The following GALNT1 variants were observed in gnomAD, a reference collection of about 807,000 sequenced individuals.
GALNT1 encodes GalNAc transferase 1.
A neutral mutation model predicts 65.7 loss-of-function variants in GALNT1; 17 were observed. The ratio of observed to expected loss-of-function variants is 0.26; its 90% CI spans 0.18 to 0.39. GALNT1 has a LOEUF of 0.39. Ranked by LOEUF, GALNT1 falls within the 10% of genes least tolerant of loss-of-function variation. The pLI, the probability that GALNT1 is intolerant of heterozygous loss-of-function variation, is 1.00. For synonymous variants in GALNT1, 210 were observed against 219.7 expected, an observed-to-expected ratio of 0.96 and a Z score of 0.39; for missense variants, 460 against 672.8, an observed-to-expected ratio of 0.68 and a Z score of 3.50.
chr18:35,642,454 G>A (rs1018895188), intron 1 of GALNT1, among the ~76,000 whole-genome samples: 5 of 152,176 alleles, frequency 3.3e-5, no homozygotes, highest in African/African-American at 1.2e-4. Context: ...GACAAGGAAG[G>A]ACCGTAAGAA....
chr18:35,700,215 G>C (rs914642514), intron 9 of GALNT1, among the ~76,000 whole-genome samples: 1 of 152,132 alleles, frequency 6.6e-6, no homozygotes, highest in Non-Finnish European at 1.5e-5. Flanking sequence ...GTATATAGAG[G>C]GACCCACCTG....
intron 11 of GALNT1, among the ~76,000 whole-genome samples, chr18:35,706,689 C>A (rs769359754): frequency 6.6e-6 from 1 of 151,918 alleles, no homozygotes; most frequent in Non-Finnish European, 1.5e-5. Flanking sequence ...ACTTTCTGGG[C>A]CAATATCTGT....
At chr18:35,615,898 G>A (rs778848263) in intron 1 of GALNT1, among the ~76,000 whole-genome samples, 4 of 152,214 alleles carry the variant, frequency 2.6e-5, no homozygotes, top group African/African-American at 4.8e-5. Context: ...AGACTTTTCT[G>A]TAAAGGGCCA....
chr18:35,589,990 G>A (rs932058600), intron 1 of GALNT1, among the ~76,000 whole-genome samples: 1 of 152,208 alleles, frequency 6.6e-6, no homozygotes, highest in Non-Finnish European at 1.5e-5. Flanking sequence ...GTGAGTGCCA[G>A]TTTGCCATCT....
At chr18:35,689,355 C>T in intron 7 of GALNT1, 65 bp downstream of exon 7, 1 of 878,102 alleles carries the variant, frequency 1.1e-6, no homozygotes, top group South Asian at 1.5e-5. Context: ...ATTGATTATT[C>T]ATGTATCTCT....
At chr18:35,608,888 C>T (rs1250197474) in intron 1 of GALNT1, among the ~76,000 whole-genome samples, 6 of 152,148 alleles carry the variant, frequency 3.9e-5, no homozygotes, top group Non-Finnish European at 8.8e-5. Flanking sequence ...ATCATAGGGG[C>T]ACTGTAAGTC....
At chr18:35,625,453 T>C (rs934379017) in intron 1 of GALNT1, among the ~76,000 whole-genome samples, 3 of 152,170 alleles carry the variant, frequency 2.0e-5, no homozygotes, top group African/African-American at 4.8e-5. Context: ...GGCTAAGATA[T>C]CAAGTAGAAT....
At chr18:35,629,509 C>T (rs189667174) in intron 1 of GALNT1, among the ~76,000 whole-genome samples, 54 of 152,220 alleles carry the variant, frequency 3.5e-4, no homozygotes, top group African/African-American at 1.3e-3. Flanking sequence ...TACAGACAAG[C>T]AAATGCTGAG....
intron 3 of GALNT1, among the ~76,000 whole-genome samples, chr18:35,675,759 CAAT>C (rs1318698986): frequency 6.6e-6 from 1 of 152,116 alleles, no homozygotes; most frequent in Non-Finnish European, 1.5e-5. Flanking sequence ...CCCAATTCTA[CAAT>C]AATAATAAGT....
intron 9 of GALNT1, among the ~76,000 whole-genome samples, chr18:35,695,755 A>G (rs1305745410): frequency 1.3e-5 from 2 of 152,134 alleles, no homozygotes; most frequent in Non-Finnish European, 2.9e-5. Context: ...ATTCTCACTG[A>G]TGCCTCATTA....
Position 35,678,350 on chromosome 18 carries a change from G to A in GALNT1, c.481+593G>A, listed in dbSNP as rs556375157. Among the ~76,000 whole-genome samples, 10 of 91,984 alleles carry A rather than the reference G, an allele frequency of 1.1e-4. No homozygotes were observed. The East Asian group carries it at 1.7e-3, about 15-fold the overall frequency. The allele number at this position is 91,984 out of a possible 152,430, so 60.3% of individuals were successfully genotyped here. A position where few individuals can be genotyped will look rare whatever the true frequency, so the allele number is the denominator to read the frequency against. On this transcript the variant is annotated intron_variant, in intron 4 of 11. Coordinates refer to ENST00000269195, the MANE Select transcript of GALNT1 (RefSeq NM_020474.4). ...TAAATCTCTACAGACTCTTGCCCACGTCCTTCTAGGAGTCTCAGAATTTTT... is the reference window on the plus strand; with the variant it reads ...TAAATCTCTACAGACTCTTGCCCACATCCTTCTAGGAGTCTCAGAATTTTT...
At chr18:35,692,377 A>T (rs1598808235) in intron 9 of GALNT1, 57 bp downstream of exon 9, 6 of 992,408 alleles carry the variant, frequency 6.0e-6, no homozygotes, top group South Asian at 3.0e-5. Flanking sequence ...CTTTTTTATT[A>T]AAAAAAAATA....
rs1598777654 is a variant in GALNT1 at position 35,586,279 on chromosome 18, T to G, written c.-104+4417T>G. Among the ~76,000 whole-genome samples the G allele has an allele frequency of 2.6e-5, 4 of 152,360 alleles. No homozygotes were observed. In the South Asian group the frequency reaches 8.3e-4, roughly 32 times the overall value. On this transcript the variant is annotated intron_variant, in intron 1 of 11. Transcript: ENST00000269195. ...GAACTATCTTTTGTTCATTTTCTAATGGGATTGTTTGTCCTTTTTACTATT... is the reference window on the plus strand; with the variant it reads ...GAACTATCTTTTGTTCATTTTCTAAGGGGATTGTTTGTCCTTTTTACTATT...
chr18:35,700,855 T>G (rs1050966004), intron 9 of GALNT1, among the ~76,000 whole-genome samples: 3 of 152,180 alleles, frequency 2.0e-5, no homozygotes, highest in Non-Finnish European at 4.4e-5. Context: ...CCATTCCATA[T>G]GAGAGCGAGA....
intron 1 of GALNT1, among the ~76,000 whole-genome samples, chr18:35,590,736 T>A (rs1340268476): frequency 6.6e-6 from 1 of 152,180 alleles, no homozygotes; most frequent in Non-Finnish European, 1.5e-5. Context: ...ATTAGTGAGT[T>A]ATCAGTAAAC....
intron 1 of GALNT1, among the ~76,000 whole-genome samples, chr18:35,649,485 T>C (rs2047281776): frequency 6.6e-6 from 1 of 152,232 alleles, no homozygotes; most frequent in Non-Finnish European, 1.5e-5. Flanking sequence ...TCTCCCAAAT[T>C]TGTGACTTGC....
In GALNT1 at chr18:35,692,198, T is replaced by C; in HGVS notation, c.1177T>C (p.Tyr393His). 6.2e-7 allele frequency: 1 copy of C among 1,608,940 alleles called. No individual in the cohort carries two copies. The highest frequency in any genetic ancestry group is 8.5e-7 in the Non-Finnish European group (1 of 1,177,536). ...TTCAACAGGTGTTACAAAGGTAGAT[T>C]ATGGAGATATATCGTCAAGAGTTGG... The part of the protein sequence containing the change: ...IISPGVTKVD[Y>H]GDISSRVGLR... Residue 393 changes from tyrosine (Y) to histidine (H), a missense_variant, in exon 9 of 12, where the codon TAT becomes CAT. Transcript: ENST00000269195.
intron 1 of GALNT1, among the ~76,000 whole-genome samples, chr18:35,615,643 T>G (rs1193349356): frequency 4.6e-5 from 7 of 152,174 alleles, no homozygotes; most frequent in African/African-American, 1.4e-4. Context: ...TAGAATATAT[T>G]TTGCATACAA....
chr18:35,614,227 A>G (rs1209487804), intron 1 of GALNT1, among the ~76,000 whole-genome samples: 1 of 152,206 alleles, frequency 6.6e-6, no homozygotes, highest in Admixed American at 6.5e-5. Flanking sequence ...TGAATTCAGC[A>G]GTGTATAAAG....
Sources: gnomAD v4.1 joint callset for allele counts (sites outside exome capture counted in the v4.1 genomes callset) on GRCh38, gnomAD v4.1.1 for gene constraint, MANE v1.5 for transcripts, NCBI Gene and HGNC (gene_info 2026-07-23, HGNC 2026-07-21) for gene names.